The following ITPR2 variants were observed in gnomAD, a reference collection of about 807,000 sequenced individuals.
ITPR2 encodes the protein inositol 1,4,5-trisphosphate receptor type 2, also known as inositol 1,4,5-trisphosphate-gated calcium channel ITPR2.
A neutral mutation model predicts 317.1 loss-of-function variants in ITPR2; 207 were observed. That is an observed-to-expected ratio of 0.65 (90% confidence interval 0.58 to 0.73). The LOEUF (loss-of-function observed/expected upper bound fraction) is 0.73. Ranked by LOEUF, ITPR2 falls within the 30% of genes least tolerant of loss-of-function variation. The pLI is 0.00. For missense variants in ITPR2, 2,613 were observed against 3,284.0 expected (o/e 0.80, Z 4.99); for synonymous variants, 1,156 against 1,149.1 (o/e 1.01, Z -0.12).
intron 26 of ITPR2, among the ~76,000 whole-genome samples, chr12:26,613,771 GA>G (rs1184831849): frequency 6.6e-6 from 1 of 152,070 alleles, no homozygotes; most frequent in Non-Finnish European, 1.5e-5. Context: ...CAAAAGAGGG[GA>G]AAAAATTCTC....
intron 1 of ITPR2, among the ~76,000 whole-genome samples, chr12:26,828,912 G>A (rs1431614082): frequency 6.6e-6 from 1 of 152,170 alleles, no homozygotes; most frequent in Non-Finnish European, 1.5e-5. Flanking sequence ...TACAGCCCTG[G>A]GCACAAGAGC....
At chr12:26,823,466 CAATT>C (rs903426105) in intron 1 of ITPR2, among the ~76,000 whole-genome samples, 6 of 152,122 alleles carry the variant, frequency 3.9e-5, no homozygotes, top group South Asian at 2.1e-4. Context: ...ATTAAAGTAA[CAATT>C]AATCCATTGA....
At chr12:26,389,096 C>T (rs1212201888) in intron 54 of ITPR2, among the ~76,000 whole-genome samples, 1 of 152,192 alleles carries the variant, frequency 6.6e-6, no homozygotes, top group South Asian at 2.1e-4. Flanking sequence ...CCATTGTCAT[C>T]CCTCATGTGG....
intron 43 of ITPR2, among the ~76,000 whole-genome samples, chr12:26,479,053 T>G (rs1942484209): frequency 6.6e-6 from 1 of 151,564 alleles, no homozygotes; most frequent in Admixed American, 6.6e-5. Context: ...TAATATATAT[T>G]ATTCTGTCTT....
rs1592009002 is a variant in ITPR2, at chr12:26,661,290, G to A, written c.1714-2005C>T. ...GGTGTGTGTGTGGGGGGGGGGGGGTGGGAGGGAACGGGCACGTGCACGAGC... is the reference window on the plus strand; with the variant it reads ...GGTGTGTGTGTGGGGGGGGGGGGGTAGGAGGGAACGGGCACGTGCACGAGC... On this transcript the variant is annotated intron_variant, in intron 15 of 56. Coordinates refer to ENST00000381340, the MANE Select transcript of ITPR2 (RefSeq NM_002223.4). Among the ~76,000 whole-genome samples, 3 of 58,070 alleles carry A rather than the reference G, an allele frequency of 5.2e-5. 1 individual carries two copies. The South Asian group carries it at 2.8e-3, about 54-fold the overall frequency. 38.1% of individuals were successfully genotyped at this position (58,070 alleles called of 152,430 possible).
At chr12:26,486,435 G>C in intron 40 of ITPR2, 75 bp from the exon 41 acceptor site, 1 of 1,078,268 alleles carries the variant, frequency 9.3e-7, no homozygotes. Flanking sequence ...AACAAACCAG[G>C]TACCCAAATT....
chr12:26,807,007 G>A (rs1438638116), intron 1 of ITPR2, among the ~76,000 whole-genome samples: 2 of 151,848 alleles, frequency 1.3e-5, no homozygotes, highest in South Asian at 2.1e-4. Context: ...TGGCCAACAC[G>A]GTGAAACCTC....
At chr12:26,353,158 C>A (rs561450339) in intron 55 of ITPR2, among the ~76,000 whole-genome samples, 4 of 152,314 alleles carry the variant, frequency 2.6e-5, no homozygotes, top group Admixed American at 2.6e-4. Context: ...CCTTAAAAGC[C>A]TCTTTACCTT....
intron 34 of ITPR2, among the ~76,000 whole-genome samples, chr12:26,574,228 AAAC>A (rs1367936186): frequency 2.0e-5 from 3 of 152,144 alleles, no homozygotes; most frequent in Non-Finnish European, 4.4e-5. Flanking sequence ...AAAAAAAAAA[AAAC>A]AGCCTATTCT....
intron 55 of ITPR2, 56 bp downstream of exon 55, chr12:26,387,378 G>A: frequency 6.6e-7 from 1 of 1,522,196 alleles, no homozygotes; most frequent in Non-Finnish European, 9.0e-7. Flanking sequence ...GGGTAGAGAA[G>A]ATGAAAGCCT....
At chr12:26,362,147 G>T (rs973749595) in intron 55 of ITPR2, among the ~76,000 whole-genome samples, 1 of 152,180 alleles carries the variant, frequency 6.6e-6, no homozygotes, top group African/African-American at 2.4e-5. Flanking sequence ...TCAAGCTGGG[G>T]TCAAAGTGCT....
chr12:26,589,853 T>TATACACACACAC (rs780511857), intron 32 of ITPR2, among the ~76,000 whole-genome samples: 1 of 57,304 alleles, frequency 1.7e-5, no homozygotes, highest in African/African-American at 5.7e-5. Context: ...TATATATATA[T>TATACACACACAC]ACACACACAC....
chr12:26,812,854 T>G (rs189033237), intron 1 of ITPR2, among the ~76,000 whole-genome samples: 184 of 152,370 alleles, frequency 1.2e-3, no homozygotes, highest in Non-Finnish European at 1.5e-3. Context: ...CAACACTGCC[T>G]TTAAAAAGCC....
chr12:26,507,072 G>T (rs77775865), intron 37 of ITPR2, among the ~76,000 whole-genome samples: 16,209 of 151,926 alleles, frequency 0.11, 1,164 homozygotes, highest in African/African-American at 0.2. Context: ...GCATCTATTT[G>T]TCCAGGAGGC....
Position 26,832,883 on chromosome 12 carries a change from T to A in ITPR2, c.-102A>T. The A allele has an allele frequency of 2.2e-6, 2 of 905,540 alleles. No individual in the cohort carries two copies. The highest frequency in any genetic ancestry group is 3.5e-6 in the Non-Finnish European group (2 of 575,178). The allele number at this position is 905,540 out of a possible 1,614,324, so 56.1% of individuals were successfully genotyped here. A position where few individuals can be genotyped will look rare whatever the true frequency, so the allele number is the denominator to read the frequency against. The stretch of plus-strand genomic sequence containing the variant: ...GCAGAAGCGGATCGGATCGCGGGAC[T>A]ACAGCGGCCAAGAGCCGCGGCGGAG... On this transcript the variant is annotated 5_prime_UTR_variant, in exon 1 of 57. Coordinates refer to ENST00000381340, the MANE Select transcript of ITPR2 (RefSeq NM_002223.4).
Position 26,778,413 on chromosome 12 carries a change from G to A in ITPR2, c.163+11744C>T, listed in dbSNP as rs143388430. Among the ~76,000 whole-genome samples, 1,084 of 152,266 alleles carry A rather than the reference G, an allele frequency of 7.1e-3. 3 individuals are homozygous for A. The highest frequency in any genetic ancestry group is 0.019 in the South Asian group (91 of 4,822). On this transcript the variant is annotated intron_variant, in intron 2 of 56. Transcript: ENST00000381340. Reference sequence around the variant, plus strand: ...GACAGTGGATTATCATAAGCTTAACGAAGTTGTGACTCCAATTGCAGCTGC... The same window carrying A: ...GACAGTGGATTATCATAAGCTTAACAAAGTTGTGACTCCAATTGCAGCTGC...
At chr12:26,752,314 G>A (rs1347134561) in intron 2 of ITPR2, among the ~76,000 whole-genome samples, 1 of 152,130 alleles carries the variant, frequency 6.6e-6, no homozygotes, top group East Asian at 1.9e-4. Flanking sequence ...AGACCTACTG[G>A]GCTGCATTCC....
chr12:26,611,618 T>C (rs1591960491), intron 26 of ITPR2, among the ~76,000 whole-genome samples: 1 of 152,032 alleles, frequency 6.6e-6, no homozygotes, highest in Admixed American at 6.6e-5. Flanking sequence ...TAGATAGATA[T>C]AGAGATAAAT....
At chr12:26,718,186 C>CT (rs1249431741) in intron 5 of ITPR2, among the ~76,000 whole-genome samples, 1 of 152,144 alleles carries the variant, frequency 6.6e-6, no homozygotes, top group Non-Finnish European at 1.5e-5. Flanking sequence ...GACCCGTCCT[C>CT]TAAGTTCCCT....
Sources: allele counts gnomAD v4.1 joint callset (sites outside exome capture counted in the v4.1 genomes callset), GRCh38; gene constraint gnomAD v4.1.1; transcripts MANE v1.5; gene names NCBI Gene and HGNC (gene_info 2026-07-23, HGNC 2026-07-21).